Variants in DSG2 observed in about 807,000 individuals in gnomAD.
DSG2 encodes desmoglein 2.
DSG2 carries 45 observed loss-of-function variants against 75.6 expected under a neutral mutation model. The ratio of observed to expected loss-of-function variants is 0.60; its 90% CI spans 0.47 to 0.76. DSG2 has a LOEUF of 0.76. DSG2 is among the 30% of genes least tolerant of loss of function. The pLI is 0.00. For synonymous variants in DSG2, 429 were observed against 483.9 expected (o/e 0.89, Z 1.49); for missense variants, 1,267 against 1,357.4 (o/e 0.93, Z 1.05).
In DSG2 at chr18:31,545,718, T is replaced by C; in HGVS notation, c.2335-3T>C. 1 of 1,613,366 alleles carries C rather than the reference T, an allele frequency of 6.2e-7. No individual in the cohort carries two copies. The highest frequency in any genetic ancestry group is 8.5e-7 in the Non-Finnish European group (1 of 1,180,024). On this transcript the variant is annotated splice_polypyrimidine_tract_variant and splice_region_variant and intron_variant, in intron 14 of 14. Coordinates refer to ENST00000261590, the MANE Select transcript of DSG2 (RefSeq NM_001943.5). The stretch of plus-strand genomic sequence containing the variant: ...TGTTTGTTTTGTTTTGTTTTCATTT[T>C]AGAAAGCGGCCTCTTACACTGAGGA...
intron 1 of DSG2, among the ~76,000 whole-genome samples, chr18:31,502,305 G>T (rs1282563504): frequency 6.6e-6 from 1 of 152,102 alleles, no homozygotes; most frequent in Non-Finnish European, 1.5e-5. Flanking sequence ...CTTCCCAATT[G>T]ATCTAATTGT....
chr18:31,535,808 G>A (rs1254089269), intron 10 of DSG2, among the ~76,000 whole-genome samples: 2 of 151,394 alleles, frequency 1.3e-5, no homozygotes, highest in Admixed American at 1.3e-4. Context: ...TCTCACCCCA[G>A]CACAGTTGCT....
In DSG2 at chr18:31,546,550, C is replaced by T; in HGVS notation, c.3164C>T (p.Ser1055Phe). 1 of 1,614,196 alleles carries T rather than the reference C, an allele frequency of 6.2e-7. No homozygotes were observed. Among genetic ancestry groups the T allele is most frequent in the Non-Finnish European group, 8.5e-7 (1 of 1,180,018 alleles). The change falls in exon 15 of 15, where the codon TCC becomes TTC. Residue 1055 changes from serine (S) to phenylalanine (F), a missense_variant. By Grantham distance (155) the Ser-to-Phe change is radical. Coordinates refer to ENST00000261590, the MANE Select transcript of DSG2 (RefSeq NM_001943.5). ...ACAGAAAGAGTTCTAGCACCTGCTT[C>T]CACTCTGCAATCCAGTTACCAGATT... ...TVTERVLAPA[S>F]TLQSSYQIPT...
chr18:31,541,609 G>T (rs1028699140), intron 13 of DSG2, among the ~76,000 whole-genome samples: 1 of 152,116 alleles, frequency 6.6e-6, no homozygotes, highest in African/African-American at 2.4e-5. Context: ...CATTAAATGG[G>T]CAGTTTTCAT....
At chr18:31,510,226 C>T (rs72938881) in intron 1 of DSG2, among the ~76,000 whole-genome samples, 3,683 of 152,254 alleles carry the variant, frequency 0.024, 50 homozygotes, top group Middle Eastern at 0.065. Context: ...AGTAATTTCT[C>T]GCTGAATGGA....
At chr18:31,520,021 A>G in intron 3 of DSG2, 84 bp downstream of exon 3, 1 of 1,545,966 alleles carries the variant, frequency 6.5e-7, no homozygotes, top group Non-Finnish European at 8.9e-7. Flanking sequence ...TTAAGATTTA[A>G]GGAAAATGTA....
chr18:31,522,162 A>G lies in DSG2; in HGVS notation c.603A>G (p.Val201=). Residue 201 remains valine, a synonymous_variant, in exon 6 of 15, where the codon GTA becomes GTG. Transcript: ENST00000261590. The part of the protein sequence containing the change: ...TLNSKISYRI[V]SLEPAYPPVF... ...ATTCGAAAATTTCCTATAGAATCGT[A>G]TCTCTGGAGCCTGCTTATCCTCCAG... 6.2e-7 allele frequency: 1 copy of G among 1,613,874 alleles called. No individual in the cohort carries two copies. The highest frequency in any genetic ancestry group is 8.5e-7 in the Non-Finnish European group (1 of 1,179,802).
intron 5 of DSG2, 55 bp from the exon 6 acceptor site, chr18:31,522,028 G>C (rs998830312): frequency 3.9e-6 from 6 of 1,530,386 alleles, no homozygotes; most frequent in Non-Finnish European, 4.5e-6. Flanking sequence ...TAAAATAACA[G>C]GTAAATATGC....
At chr18:31,526,986 G>T (rs1228540270) in intron 8 of DSG2, among the ~76,000 whole-genome samples, 1 of 152,012 alleles carries the variant, frequency 6.6e-6, no homozygotes, top group Non-Finnish European at 1.5e-5. Flanking sequence ...TGTCACCTAG[G>T]TACAGTATTT....
chr18:31,514,972 C>CT (rs777985989), intron 1 of DSG2, among the ~76,000 whole-genome samples: 7 of 152,188 alleles, frequency 4.6e-5, no homozygotes, highest in African/African-American at 9.7e-5. Context: ...ATTATACCCT[C>CT]TTGCTAGGGC....
chr18:31,502,626 C>T (rs1219248924), intron 1 of DSG2, among the ~76,000 whole-genome samples: 2 of 152,094 alleles, frequency 1.3e-5, no homozygotes, highest in East Asian at 3.9e-4. Flanking sequence ...TGGCACATGC[C>T]TGTAGTCCCA....
intron 6 of DSG2, 65 bp downstream of exon 6, chr18:31,522,314 T>C: frequency 7.0e-7 from 1 of 1,438,506 alleles, no homozygotes; most frequent in Non-Finnish European, 9.4e-7. Flanking sequence ...TCCTCTCTTT[T>C]TCTTTTCTAA....
At chr18:31,513,292 T>C (rs2073076673) in intron 1 of DSG2, among the ~76,000 whole-genome samples, 1 of 152,240 alleles carries the variant, frequency 6.6e-6, no homozygotes, top group African/African-American at 2.4e-5. Flanking sequence ...GGTCACAGCA[T>C]GGCTGTAGCT....
chr18:31,531,089 A>T lies in DSG2; in HGVS notation c.1117A>T (p.Ile373Phe), dbSNP rs2073195116. Residue 373 changes from isoleucine to phenylalanine, a missense_variant, in exon 9 of 15, where the codon ATT becomes TTT. Coordinates refer to ENST00000261590, the MANE Select transcript of DSG2 (RefSeq NM_001943.5). Reference sequence around the variant, plus strand: ...TAGGAGTAAATACAAGCCTACACCCATTCCCATCAAGGTCAAAGTGAAAAA... The same window carrying T: ...TAGGAGTAAATACAAGCCTACACCCTTTCCCATCAAGGTCAAAGTGAAAAA... ...SIRSKYKPTP[I>F]PIKVKVKNVK... 6.2e-7 allele frequency: 1 copy of T among 1,614,146 alleles called. No individual in the cohort carries two copies. The highest frequency in any genetic ancestry group is 2.2e-5 in the East Asian group (1 of 44,866).
intron 3 of DSG2, among the ~76,000 whole-genome samples, chr18:31,520,146 C>T (rs140538702): frequency 3.2e-4 from 48 of 152,254 alleles, no homozygotes; most frequent in African/African-American, 1.1e-3. Context: ...GAAGATGCAG[C>T]ATCATTGGCA....
chr18:31,545,251 A>G (rs978770242), intron 14 of DSG2, among the ~76,000 whole-genome samples: 1 of 152,204 alleles, frequency 6.6e-6, no homozygotes, highest in African/African-American at 2.4e-5. Flanking sequence ...TTTGAACCCA[A>G]TAAACATTTT....
chr18:31,538,175 G>C (rs1363105902), intron 11 of DSG2, among the ~76,000 whole-genome samples: 1 of 152,158 alleles, frequency 6.6e-6, no homozygotes, highest in Non-Finnish European at 1.5e-5. Context: ...TAAACAGTTA[G>C]TAAGGGTTTG....
At chr18:31,532,043 G>A (rs2073201864) in intron 9 of DSG2, among the ~76,000 whole-genome samples, 1 of 152,222 alleles carries the variant, frequency 6.6e-6, no homozygotes, top group African/African-American at 2.4e-5. Flanking sequence ...TTCTTGCTCA[G>A]TGCCAGAGCT....
rs189161950 is a variant in DSG2 at position 31,501,619 on chromosome 18, A to G, written c.45+3323A>G. 1.8e-4 allele frequency among the ~76,000 whole-genome samples: 27 copies of G among 152,160 alleles called. 1 individual carries two copies. The highest frequency in any genetic ancestry group is 1.4e-3 in the Admixed American group (21 of 15,294). ...TCTTGTAGGTGCATTCATTACTCCAATCCTCCATCTGCGCATGGCATTCTC... is the reference window on the plus strand; with the variant it reads ...TCTTGTAGGTGCATTCATTACTCCAGTCCTCCATCTGCGCATGGCATTCTC... On this transcript the variant is annotated intron_variant, in intron 1 of 14. Coordinates refer to ENST00000261590, the MANE Select transcript of DSG2 (RefSeq NM_001943.5).
Sources: gnomAD v4.1 joint callset for allele counts (sites outside exome capture counted in the v4.1 genomes callset) on GRCh38, gnomAD v4.1.1 for gene constraint, MANE v1.5 for transcripts, NCBI Gene and HGNC (gene_info 2026-07-23, HGNC 2026-07-21) for gene names.